Variants in NUP133 observed in about 807,000 individuals in gnomAD.
NUP133 encodes nucleoporin 133.
In NUP133, 66 loss-of-function variants were observed where a neutral mutation model predicts 146.2. The ratio of observed to expected loss-of-function variants is 0.45; its 90% CI spans 0.37 to 0.55. The LOEUF (loss-of-function observed/expected upper bound fraction) is 0.55, where lower values mean the gene tolerates loss of function less well. NUP133 is among the 20% of genes least tolerant of loss of function. The pLI, the probability that NUP133 is intolerant of heterozygous loss-of-function variation, is 0.00. For synonymous variants in NUP133, 521 were observed against 498.8 expected, an observed-to-expected ratio of 1.04 and a Z score of -0.59; for missense variants, 1,277 against 1,374.8, an observed-to-expected ratio of 0.93 and a Z score of 1.12.
chr1:229,482,604 A>C (rs1002284219), intron 12 of NUP133, among the ~76,000 whole-genome samples: 1 of 152,198 alleles, frequency 6.6e-6, no homozygotes, highest in Non-Finnish European at 1.5e-5. Flanking sequence ...TACATGTCTA[A>C]GATAAACTGA....
chr1:229,477,849 A>G, intron 12 of NUP133, 89 bp from the exon 13 acceptor site: 1 of 967,430 alleles, frequency 1.0e-6, no homozygotes, highest in South Asian at 2.0e-5. Context: ...ACTACTATTC[A>G]GCCAAAAAAA....
At position 229,498,428 on chromosome 1, in the gene NUP133, A is replaced by G. The variant is rs1408011448; in HGVS notation, c.649-122T>C. ...ATAAATCTAAAAGAATACAAAATAG[A>G]ACGTTGTTATTTTATTAAAGTAATA... On this transcript the variant is annotated intron_variant, in intron 5 of 25. Transcript: ENST00000261396. 6 of 621,942 alleles carry G rather than the reference A, an allele frequency of 9.6e-6. No homozygotes were observed. In the Admixed American group the frequency reaches 1.1e-4, roughly 12 times the overall value. The allele number at this position is 621,942 out of a possible 1,614,324, so 38.5% of individuals were successfully genotyped here. A position where few individuals can be genotyped will look rare whatever the true frequency, so the allele number is the denominator to read the frequency against.
At chr1:229,500,563 T>C (rs569341686) in intron 4 of NUP133, among the ~76,000 whole-genome samples, 193 bp downstream of exon 4, 1 of 152,334 alleles carries the variant, frequency 6.6e-6, no homozygotes, top group African/African-American at 2.4e-5. Flanking sequence ...AATGGGTGCC[T>C]TTATGTGGAT....
At position 229,495,876 on chromosome 1, in the gene NUP133, T is replaced by A. The variant is rs903255643; in HGVS notation, c.975+16A>T. On this transcript the variant is annotated intron_variant, in intron 7 of 25. Coordinates refer to ENST00000261396, the MANE Select transcript of NUP133 (RefSeq NM_018230.3). Reference sequence around the variant, plus strand: ...CATAAACATGAATTACAGAGATGAATATTATTGTTTCTTACCCAAATAGCA... The same window carrying A: ...CATAAACATGAATTACAGAGATGAAAATTATTGTTTCTTACCCAAATAGCA... 1 of 1,560,702 alleles carries A rather than the reference T, an allele frequency of 6.4e-7. No homozygotes were observed. Among genetic ancestry groups the A allele is most frequent in the African/African-American group, 1.4e-5 (1 of 72,538 alleles).
At chr1:229,463,781 CA>C in intron 18 of NUP133, 105 bp from the exon 19 acceptor site, 1 of 1,219,992 alleles carries the variant, frequency 8.2e-7, no homozygotes, top group Admixed American at 3.0e-5. Flanking sequence ...TATAAACCAA[CA>C]ATCATTAATG....
At chr1:229,504,708 A>AC (rs546264043) in intron 2 of NUP133, among the ~76,000 whole-genome samples, 386 of 152,348 alleles carry the variant, frequency 2.5e-3, no homozygotes, top group African/African-American at 9.0e-3. Context: ...TCAACTCTGT[A>AC]AACAGGACTG....
intron 24 of NUP133, among the ~76,000 whole-genome samples, chr1:229,446,543 C>T (rs1376137326): frequency 6.6e-6 from 1 of 151,858 alleles, no homozygotes; most frequent in Non-Finnish European, 1.5e-5. Flanking sequence ...TCCTGGCTAA[C>T]AAAGTGAAAC....
At chr1:229,453,212 G>A (rs560050129) in intron 21 of NUP133, among the ~76,000 whole-genome samples, 7 of 151,782 alleles carry the variant, frequency 4.6e-5, no homozygotes, top group African/African-American at 1.2e-4. Flanking sequence ...GGTAACTTTC[G>A]ACTCCCCAAA....
intron 1 of NUP133, among the ~76,000 whole-genome samples, chr1:229,507,726 A>C (rs1266171606): frequency 6.6e-6 from 1 of 152,180 alleles, no homozygotes; most frequent in African/African-American, 2.4e-5. Flanking sequence ...CTCAGGTGAG[A>C]TATATTATCG....
intron 25 of NUP133, among the ~76,000 whole-genome samples, chr1:229,444,404 C>T (rs1660257952): frequency 6.6e-6 from 1 of 152,086 alleles, no homozygotes; most frequent in African/African-American, 2.4e-5. Flanking sequence ...CTGTTTTTCA[C>T]CTGTTTTATA....
At chr1:229,470,485 T>G in intron 15 of NUP133, 95 bp downstream of exon 15, 1 of 1,008,386 alleles carries the variant, frequency 9.9e-7, no homozygotes. Flanking sequence ...TGAGATCTTT[T>G]GTGATTTAAC....
At chr1:229,473,113 G>A (rs572780252) in intron 14 of NUP133, among the ~76,000 whole-genome samples, 8 of 152,126 alleles carry the variant, frequency 5.3e-5, no homozygotes, top group South Asian at 2.1e-4. Context: ...TTAGCCGGGC[G>A]TGGTAGTGAG....
At chr1:229,444,587 CT>C (rs947753614) in intron 25 of NUP133, among the ~76,000 whole-genome samples, 78 of 144,690 alleles carry the variant, frequency 5.4e-4, no homozygotes, top group Middle Eastern at 3.6e-3. Context: ...CTTCTTGGTT[CT>C]TTTTTTTTTT....
At chr1:229,467,298 C>T (rs1333886136) in intron 15 of NUP133, among the ~76,000 whole-genome samples, 1 of 152,208 alleles carries the variant, frequency 6.6e-6, no homozygotes, top group African/African-American at 2.4e-5. Context: ...AAAATACCAT[C>T]AGGCACTGAA....
intron 21 of NUP133, among the ~76,000 whole-genome samples, chr1:229,457,365 T>C (rs1660593298): frequency 6.6e-6 from 1 of 152,180 alleles, no homozygotes; most frequent in African/African-American, 2.4e-5. Flanking sequence ...TCCTTGGTTC[T>C]AAAAAATAAT....
intron 21 of NUP133, among the ~76,000 whole-genome samples, chr1:229,457,622 T>A (rs1660599317): frequency 6.6e-6 from 1 of 152,244 alleles, no homozygotes. Context: ...TTTTTGTTGT[T>A]TTAATTTTTT....
At chr1:229,490,137 T>A in intron 8 of NUP133, 35 bp from the exon 9 acceptor site, 10 of 1,467,548 alleles carry the variant, frequency 6.8e-6, no homozygotes, top group Non-Finnish European at 9.1e-6. Context: ...AAAGCCTCTC[T>A]AAAAAACAAC....
At position 229,500,809 on chromosome 1, in the gene NUP133, C is replaced by T. The variant is rs979828971; in HGVS notation, c.460G>A (p.Asp154Asn). The change falls in exon 4 of 26, where the codon GAC becomes AAC. Residue 154 changes from aspartate to asparagine, a missense_variant. Physicochemically the swap from Asp to Asn is conservative, Grantham distance 23 (BLOSUM62 1). This residue lies in a region of NUP133 where 319 missense variants were observed against 306.9 expected (regional missense o/e 1.04). Transcript: ENST00000261396. ...GAAGAGTAAGAAAGAGCCACTAAGT[C>T]GGCACTCCAGTGGAAATCACTAGGT... ...LPPSDFHWSA[D>N]LVALSYSSPS... 9 of 1,612,830 alleles carry T rather than the reference C, an allele frequency of 5.6e-6. No individual in the cohort carries two copies. The highest frequency in any genetic ancestry group is 1.6e-4 in the Middle Eastern group (1 of 6,080).
chr1:229,460,519 C>T, intron 20 of NUP133, 92 bp downstream of exon 20: 3 of 1,274,992 alleles, frequency 2.4e-6, no homozygotes, highest in Non-Finnish European at 2.2e-6. Context: ...AGGTATATGA[C>T]AGTAAACAGT....
Sources: gnomAD v4.1 joint callset for allele counts (sites outside exome capture counted in the v4.1 genomes callset) on GRCh38, gnomAD v4.1.1 for gene constraint, gnomAD v4.1.1 regional missense constraint, MANE v1.5 for transcripts, NCBI Gene and HGNC (gene_info 2026-07-23, HGNC 2026-07-21) for gene names.